PLCE1: variants seen among roughly 807,000 people sequenced by gnomAD.
PLCE1 encodes 1-phosphatidylinositol 4,5-bisphosphate phosphodiesterase epsilon-1.
PLCE1 carries 119 observed loss-of-function variants against 242.8 expected under a neutral mutation model. That is an observed-to-expected ratio of 0.49 (90% CI 0.42 to 0.57). The LOEUF is 0.57. Among genes scored for constraint, PLCE1 ranks in the 20% least tolerant of loss-of-function variants. The pLI is 0.00. For synonymous variants in PLCE1, 945 were observed against 1,017.4 expected (o/e 0.93, Z 1.35); for missense variants, 2,441 against 2,788.8 (o/e 0.88, Z 2.81).
chr10:94,254,219 G>A lies in PLCE1; in HGVS notation c.3309G>A (p.Glu1103=), dbSNP rs1351369394. ...RGESGEVTDD[E]MATRKAKMHK... is the part of the protein sequence containing the mutation. ...AGAGTGGAGAGGTAACTGACGATGA[G>A]ATGGCAACCCGAAAGGCCAAGATGC... The change falls in exon 10 of 33, where the codon GAG becomes GAA. Residue 1103 remains glutamate (E), a synonymous_variant. Transcript: ENST00000371380. The A allele has an allele frequency of 1.2e-6, 2 of 1,613,886 alleles. No homozygotes were observed. The highest frequency in any genetic ancestry group is 1.3e-5 in the African/African-American group (1 of 74,902).
chr10:94,046,449 G>C (rs1318878641), intron 2 of PLCE1, among the ~76,000 whole-genome samples: 1 of 152,178 alleles, frequency 6.6e-6, no homozygotes, highest in Non-Finnish European at 1.5e-5. Context: ...TAAAACATCA[G>C]CACTGCAAGG....
At position 94,301,298 on chromosome 10, in the gene PLCE1, C is replaced by T. The variant is rs180713982; in HGVS notation, c.5458+2629C>T. 4.3e-3 allele frequency among the ~76,000 whole-genome samples: 640 copies of T among 150,138 alleles called. 7 individuals carry two copies. Among genetic ancestry groups the T allele is most frequent in the African/African-American group, 0.015 (599 of 40,754 alleles). ...GGCAAAGGTTGCAGTGAGCCGAGAT[C>T]GCGCCACTGCACTTCAGCCTGGGCG... is the stretch of plus-strand genomic sequence containing the variant. On this transcript the variant is annotated intron_variant, in intron 24 of 32. Transcript: ENST00000371380.
At chr10:94,206,713 G>T (rs2049167682) in intron 4 of PLCE1, among the ~76,000 whole-genome samples, 1 of 152,174 alleles carries the variant, frequency 6.6e-6, no homozygotes, top group Non-Finnish European at 1.5e-5. Flanking sequence ...GGTTGGAACA[G>T]GCCAGTGGTG....
chr10:94,072,870 C>T (rs1022617024), intron 2 of PLCE1, among the ~76,000 whole-genome samples: 1 of 152,198 alleles, frequency 6.6e-6, no homozygotes, highest in Non-Finnish European at 1.5e-5. Context: ...TACTCACCCA[C>T]ACAGATGCAC....
At chr10:94,206,340 C>T (rs1385481212) in intron 4 of PLCE1, among the ~76,000 whole-genome samples, 2 of 152,134 alleles carry the variant, frequency 1.3e-5, no homozygotes, top group Non-Finnish European at 2.9e-5. Flanking sequence ...CTGTGCAGGA[C>T]ATGAAAGGAA....
At chr10:94,130,693 C>T (rs1281928544) in intron 2 of PLCE1, among the ~76,000 whole-genome samples, 4 of 152,228 alleles carry the variant, frequency 2.6e-5, no homozygotes, top group Admixed American at 2.0e-4. Flanking sequence ...AGGTAAGAAT[C>T]ACACTGTGCC....
Position 94,306,144 on chromosome 10 carries a change from T to G in PLCE1, c.5623-283T>G, listed in dbSNP as rs1217992327. ...ACACCACCATGCCCAGCTAATTTTT[T>G]GTATTTTAGTAGAGACAGGGTTTCA... On this transcript the variant is annotated intron_variant, in intron 25 of 32. Transcript: ENST00000371380. This position sits in a 1 kb window ranked among gnomAD's most constrained non-coding sequence, Gnocchi z 5.7. Among the ~76,000 whole-genome samples, 1 of 152,024 alleles carries G rather than the reference T, an allele frequency of 6.6e-6. No homozygotes were observed. Among genetic ancestry groups the G allele is most frequent in the African/African-American group, 2.4e-5 (1 of 41,370 alleles).
intron 24 of PLCE1, among the ~76,000 whole-genome samples, chr10:94,300,456 C>G (rs915550946): frequency 6.6e-6 from 1 of 152,194 alleles, no homozygotes; most frequent in East Asian, 1.9e-4. Flanking sequence ...TCTTCCAAAC[C>G]GGGAAAAGGT....
At chr10:94,186,428 AC>A (rs2048481486) in intron 4 of PLCE1, among the ~76,000 whole-genome samples, 1 of 152,202 alleles carries the variant, frequency 6.6e-6, no homozygotes, top group Admixed American at 6.5e-5. Flanking sequence ...ATTTAAGTCT[AC>A]TACATTTTAA....
At chr10:94,307,969 C>G (rs1047073890) in intron 26 of PLCE1, among the ~76,000 whole-genome samples, 1 of 152,122 alleles carries the variant, frequency 6.6e-6, no homozygotes, top group Non-Finnish European at 1.5e-5. Context: ...GTGTATAAGT[C>G]TTGCAGGCTT....
intron 4 of PLCE1, among the ~76,000 whole-genome samples, chr10:94,188,730 C>G (rs2048562733): frequency 1.3e-5 from 2 of 152,166 alleles, no homozygotes; most frequent in Admixed American, 1.3e-4. Flanking sequence ...CCCAGCCTCC[C>G]AAGTAGCTGG....
chr10:94,244,258 G>T (rs1194243464), intron 7 of PLCE1, among the ~76,000 whole-genome samples: 1 of 152,128 alleles, frequency 6.6e-6, no homozygotes, highest in Non-Finnish European at 1.5e-5. Flanking sequence ...TCATCAAGAG[G>T]CAGTAGGTGG....
In PLCE1 at chr10:94,331,783, G is replaced by C. The variant is rs1589560629; in HGVS notation, c.*3840G>C. On this transcript the variant is annotated 3_prime_UTR_variant, in exon 33 of 33. Transcript: ENST00000371380. ...AGCAGCTTCCTAAAAGCAATCCTTG[G>C]CTGATGGCTATGGATTCTGACATAG... 2 of 152,002 alleles carry C rather than the reference G, an allele frequency of 1.3e-5. No homozygotes were observed. The highest frequency in any genetic ancestry group is 2.1e-4 in the South Asian group (1 of 4,808). 9.4% of individuals were successfully genotyped at this position (152,002 alleles called of 1,614,324 possible).
At chr10:94,252,037 C>A (rs2137619085) in intron 8 of PLCE1, among the ~76,000 whole-genome samples, 1 of 152,280 alleles carries the variant, frequency 6.6e-6, no homozygotes, top group South Asian at 2.1e-4. Flanking sequence ...TGCAATTTAA[C>A]CTCTGTAAAT....
intron 5 of PLCE1, among the ~76,000 whole-genome samples, chr10:94,228,702 G>A (rs541681015): frequency 2.6e-5 from 4 of 151,054 alleles, no homozygotes; most frequent in South Asian, 4.2e-4. Context: ...TTTTTTTGTC[G>A]TTTTCAACTT....
chr10:94,327,740 C>T (rs11187869), intron 32 of PLCE1, among the ~76,000 whole-genome samples: 35,388 of 151,962 alleles, frequency 0.23, 4,192 homozygotes, highest in Middle Eastern at 0.41. Context: ...TTTAAAAAAA[C>T]AAACTTTCTA....
At chr10:94,137,000 G>A (rs867845911) in intron 3 of PLCE1, among the ~76,000 whole-genome samples, 3 of 152,164 alleles carry the variant, frequency 2.0e-5, no homozygotes, top group Non-Finnish European at 4.4e-5. Context: ...AGACCATCCT[G>A]GCTAACATGG....
At chr10:94,114,563 C>A (rs1406560662) in intron 2 of PLCE1, among the ~76,000 whole-genome samples, 2 of 152,136 alleles carry the variant, frequency 1.3e-5, no homozygotes, top group Non-Finnish European at 2.9e-5. Flanking sequence ...TCCTTTTATG[C>A]TTGGATTTTT....
At chr10:94,044,108 A>G (rs1207795040) in intron 2 of PLCE1, among the ~76,000 whole-genome samples, 2 of 152,232 alleles carry the variant, frequency 1.3e-5, no homozygotes, top group East Asian at 1.9e-4. Context: ...AAGAAAACAC[A>G]TTAGATGCCC....
Sources: gnomAD v4.1 joint callset for allele counts (sites outside exome capture counted in the v4.1 genomes callset) on GRCh38, gnomAD v4.1.1 for gene constraint, Gnocchi (gnomAD v3.1) non-coding constraint, MANE v1.5 for transcripts, NCBI Gene and HGNC (gene_info 2026-07-23, HGNC 2026-07-21) for gene names.